CCDC18: variants seen among roughly 807,000 people sequenced by gnomAD.
The protein encoded by CCDC18 is coiled-coil domain-containing protein 18.
CCDC18 carries 157 observed loss-of-function variants against 196.0 expected under a neutral mutation model. That is an observed-to-expected ratio of 0.80 (90% CI 0.70 to 0.91). CCDC18 has a LOEUF of 0.91. Among genes scored for constraint, CCDC18 ranks in the 40% least tolerant of loss-of-function variants. The pLI, the probability that CCDC18 is intolerant of heterozygous loss-of-function variation, is 0.00. For missense variants in CCDC18, 1,465 were observed against 1,611.6 expected (o/e 0.91, Z 1.56); for synonymous variants, 482 against 529.2 (o/e 0.91, Z 1.22).
chr1:93,194,766 C>A (rs561443930), intron 6 of CCDC18, among the ~76,000 whole-genome samples: 3 of 152,220 alleles, frequency 2.0e-5, no homozygotes, highest in African/African-American at 7.2e-5. Context: ...ACATGAAGAC[C>A]ACATTCACAA....
At position 93,180,828 on chromosome 1, in the gene CCDC18, C is replaced by A. The variant is rs768823814; in HGVS notation, c.-27C>A. ...GGTCAGAGGCTTCCTAACGCAGACT[C>A]GAGTGCGAAGCGCGCAGTCGCCGGG... On this transcript the variant is annotated 5_prime_UTR_variant, in exon 1 of 29. Transcript: ENST00000690025. The A allele has an allele frequency of 7.3e-7, 1 of 1,367,694 alleles. No individual in the cohort carries two copies. Among genetic ancestry groups the A allele is most frequent in the East Asian group, 4.6e-5 (1 of 21,978 alleles). 84.7% of individuals were successfully genotyped at this position (1,367,694 alleles called of 1,614,324 possible).
intron 23 of CCDC18, among the ~76,000 whole-genome samples, chr1:93,249,307 A>C (rs1411037452): frequency 6.6e-6 from 1 of 152,032 alleles, no homozygotes; most frequent in African/African-American, 2.4e-5. Flanking sequence ...TATGAGTTGT[A>C]ATGTTTCCTT....
rs1340112192 is a variant in CCDC18 at position 93,191,798 on chromosome 1, C to T, written c.463-202C>T. 2.6e-5 allele frequency among the ~76,000 whole-genome samples: 4 copies of T among 152,000 alleles called. No homozygotes were observed. The East Asian group carries it at 5.8e-4, about 22-fold the overall frequency. ...CTTCAGTTATAAGTTGAAGGTAATG[C>T]CAGGAGCTTACATGCCAAGGCTGGC... is the stretch of plus-strand genomic sequence containing the variant. On this transcript the variant is annotated intron_variant, in intron 4 of 28. Coordinates refer to ENST00000690025, the MANE Select transcript of CCDC18 (RefSeq NM_001378204.1).
chr1:93,229,145 A>G (rs929456206), intron 17 of CCDC18, among the ~76,000 whole-genome samples: 8 of 152,152 alleles, frequency 5.3e-5, no homozygotes, highest in Non-Finnish European at 8.8e-5. Context: ...TGAATTAGAA[A>G]CCAGAAGTGG....
chr1:93,211,202 C>T (rs112179631), intron 10 of CCDC18, among the ~76,000 whole-genome samples: 13 of 151,488 alleles, frequency 8.6e-5, no homozygotes, highest in East Asian at 1.9e-4. Context: ...CACTTGAACC[C>T]GGGAGGCGGT....
At position 93,230,770 on chromosome 1, in the gene CCDC18, G is replaced by A. The variant is rs1659129030; in HGVS notation, c.2293-1656G>A. ...TCCATTTTTTTCTCTGAATAGGTAA[G>A]TATGAAACAGGATGTTCCAATAAAG... On this transcript the variant is annotated intron_variant, in intron 17 of 28. Coordinates refer to ENST00000690025, the MANE Select transcript of CCDC18 (RefSeq NM_001378204.1). Among the ~76,000 whole-genome samples, 4 of 152,134 alleles carry A rather than the reference G, an allele frequency of 2.6e-5. No individual in the cohort carries two copies. The South Asian group carries it at 8.3e-4, about 32-fold the overall frequency.
At chr1:93,266,964 T>C (rs981665536) in intron 27 of CCDC18, among the ~76,000 whole-genome samples, 8 of 152,210 alleles carry the variant, frequency 5.3e-5, no homozygotes, top group Non-Finnish European at 1.2e-4. Context: ...ATCATCCTGA[T>C]ACCAAGGCCT....
chr1:93,203,226 A>G (rs1410685220), intron 7 of CCDC18, among the ~76,000 whole-genome samples: 3 of 152,210 alleles, frequency 2.0e-5, no homozygotes, highest in African/African-American at 7.2e-5. Flanking sequence ...AGTATGAGAA[A>G]GAAGAATATA....
chr1:93,275,639 T>C (rs2101586427), intron 28 of CCDC18, among the ~76,000 whole-genome samples: 1 of 152,348 alleles, frequency 6.6e-6, no homozygotes, highest in East Asian at 1.9e-4. Flanking sequence ...GTCTGACCTT[T>C]ACCCAGTTAC....
chr1:93,210,549 A>G (rs1044271743), intron 9 of CCDC18, among the ~76,000 whole-genome samples: 20 of 152,182 alleles, frequency 1.3e-4, no homozygotes, highest in African/African-American at 4.6e-4. Flanking sequence ...GTTTGCCACT[A>G]TAATTTGTTT....
chr1:93,271,326 C>G, intron 28 of CCDC18: 1 of 985,084 alleles, frequency 1.0e-6, no homozygotes, highest in Non-Finnish European at 1.2e-6. Flanking sequence ...TATAATTTTT[C>G]ACCCTAAAAT....
chr1:93,189,309 T>C (rs771943445), intron 4 of CCDC18, among the ~76,000 whole-genome samples: 3 of 152,256 alleles, frequency 2.0e-5, no homozygotes, highest in Non-Finnish European at 4.4e-5. Flanking sequence ...CTGATTCTTA[T>C]TCTTCTTTAT....
At chr1:93,226,223 C>T in intron 16 of CCDC18, 110 bp from the exon 17 acceptor site, 1 of 554,376 alleles carries the variant, frequency 1.8e-6, no homozygotes, top group Non-Finnish European at 3.3e-6. Context: ...CTAAGTAGGA[C>T]TGTATATTCA....
chr1:93,232,386 C>A, intron 17 of CCDC18, 40 bp from the exon 18 acceptor site: 1 of 1,219,624 alleles, frequency 8.2e-7, no homozygotes, highest in Non-Finnish European at 1.2e-6. Context: ...TTATTTGAAA[C>A]ATTGCATTGT....
At chr1:93,273,790 G>A (rs1003435294) in intron 28 of CCDC18, among the ~76,000 whole-genome samples, 5 of 152,094 alleles carry the variant, frequency 3.3e-5, no homozygotes, top group Admixed American at 6.5e-5. Flanking sequence ...ATTTATGCAG[G>A]ATAAATTTGA....
At chr1:93,245,791 A>T (rs1296966723) in intron 21 of CCDC18, among the ~76,000 whole-genome samples, 1 of 152,134 alleles carries the variant, frequency 6.6e-6, no homozygotes, top group African/African-American at 2.4e-5. Flanking sequence ...AAATGTGGAT[A>T]TGTATTTTTA....
rs913700651 is a variant in CCDC18 at position 93,225,696 on chromosome 1, G to A, written c.2176-637G>A. Among the ~76,000 whole-genome samples, 5 of 151,676 alleles carry A rather than the reference G, an allele frequency of 3.3e-5. No homozygotes were observed. In the South Asian group the frequency reaches 1.0e-3, roughly 32 times the overall value. On this transcript the variant is annotated intron_variant, in intron 16 of 28. Coordinates refer to ENST00000690025, the MANE Select transcript of CCDC18 (RefSeq NM_001378204.1). The stretch of plus-strand genomic sequence containing the variant: ...GGAGGCGGAGGCAGGAGAATTGCTT[G>A]AACCTGGGAGGTAGAGGTTGCAGTG...
chr1:93,232,030 T>A (rs1659316486), intron 17 of CCDC18, among the ~76,000 whole-genome samples: 1 of 152,210 alleles, frequency 6.6e-6, no homozygotes, highest in African/African-American at 2.4e-5. Context: ...TGTTTCTGCC[T>A]AGGGAAGCCT....
intron 19 of CCDC18, among the ~76,000 whole-genome samples, chr1:93,236,855 A>T (rs1053031152): frequency 1.3e-5 from 2 of 152,200 alleles, no homozygotes; most frequent in Non-Finnish European, 2.9e-5. Context: ...GTAAAAAAAC[A>T]TACTGATGAC....
Sources: allele counts gnomAD v4.1 joint callset (sites outside exome capture counted in the v4.1 genomes callset), GRCh38; gene constraint gnomAD v4.1.1; transcripts MANE v1.5; gene names NCBI Gene and HGNC (gene_info 2026-07-23, HGNC 2026-07-21).